SLIT1: variants seen among roughly 807,000 people sequenced by gnomAD.
The protein encoded by SLIT1 is slit homolog 1 protein.
A neutral mutation model predicts 186.1 loss-of-function variants in SLIT1; 66 were observed. The observed-to-expected ratio is 0.35, with a 90% CI of 0.29 to 0.44. The LOEUF (loss-of-function observed/expected upper bound fraction) is 0.44. SLIT1 is among the 20% of genes least tolerant of loss of function. The pLI, the probability that SLIT1 is intolerant of heterozygous loss-of-function variation, is 1.00. For synonymous variants in SLIT1, 761 were observed against 833.8 expected (o/e 0.91, Z 1.50); for missense variants, 1,638 against 2,037.4 (o/e 0.80, Z 3.77).
chr10:97,055,354 A>G (rs1848827283), intron 13 of SLIT1, among the ~76,000 whole-genome samples: 1 of 152,180 alleles, frequency 6.6e-6, no homozygotes, highest in Non-Finnish European at 1.5e-5. Context: ...TTGGGGGTTC[A>G]CCATACATAG....
chr10:97,185,705 A>C lies in SLIT1; in HGVS notation c.-31T>G, dbSNP rs559105884. On this transcript the variant is annotated 5_prime_UTR_variant, in exon 1 of 37. Coordinates refer to ENST00000266058, the MANE Select transcript of SLIT1 (RefSeq NM_003061.3). ...CCTCACAGCGTCCCGCTCGCGAGCCAGACGGCAGCAGCCGCTGACCATCCC... is the reference window on the plus strand; with the variant it reads ...CCTCACAGCGTCCCGCTCGCGAGCCCGACGGCAGCAGCCGCTGACCATCCC... 1.4e-6 allele frequency: 2 copies of C among 1,458,878 alleles called. No homozygotes were observed. Among genetic ancestry groups the C allele is most frequent in the African/African-American group, 3.0e-5 (2 of 67,652 alleles). The allele number at this position is 1,458,878 out of a possible 1,614,324, so 90.4% of individuals were successfully genotyped here. A position where few individuals can be genotyped will look rare whatever the true frequency, so the allele number is the denominator to read the frequency against.
rs141438091 is a variant in SLIT1, at chr10:97,021,333, G to A, written c.2663C>T (p.Pro888Leu). The change falls in exon 26 of 37, where the codon CCG becomes CTG. Residue 888 changes from proline (P) to leucine (L), a missense_variant. Pro to Leu is a moderately conservative substitution (Grantham distance 98). This residue lies in a region of SLIT1 where 1,245 missense variants were observed against 1,535.3 expected (regional missense o/e 0.81). Transcript: ENST00000266058. The surrounding 1 kb of genome is among the most constrained non-coding windows in gnomAD (Gnocchi z 4.5). ...SSWVKTGYKEPGIARCAGPQD... is the reference protein window; with the variant it reads ...SSWVKTGYKELGIARCAGPQD... The stretch of plus-strand genomic sequence containing the variant: ...GGGCCCAGCACAACGAGCAATGCCC[G>A]GTTCCTTGTAGCCAGTCTTCACCCA... 2.1e-5 allele frequency: 34 copies of A among 1,614,026 alleles called. No homozygotes were observed. The highest frequency in any genetic ancestry group is 4.5e-5 in the East Asian group (2 of 44,890).
intron 4 of SLIT1, among the ~76,000 whole-genome samples, chr10:97,077,379 G>T (rs1190771094): frequency 6.6e-6 from 1 of 152,114 alleles, no homozygotes; most frequent in African/African-American, 2.4e-5. Flanking sequence ...AATCCTGGGT[G>T]CTCTCCTGCT....
chr10:97,114,275 G>A (rs1019193907), intron 4 of SLIT1, among the ~76,000 whole-genome samples: 5 of 152,198 alleles, frequency 3.3e-5, no homozygotes, highest in Non-Finnish European at 5.9e-5. Flanking sequence ...GCCTGCCTAA[G>A]GGAGGCCAGC....
intron 4 of SLIT1, among the ~76,000 whole-genome samples, chr10:97,126,731 T>G (rs1849606396): frequency 6.6e-6 from 1 of 152,184 alleles, no homozygotes; most frequent in South Asian, 2.1e-4. Flanking sequence ...CATGAATGAG[T>G]GGCTGGTCTC....
Position 97,006,507 on chromosome 10 carries a change from C to T in SLIT1, c.3555G>A (p.Trp1185Ter), listed in dbSNP as rs1848360895. 1 of 1,613,962 alleles carries T rather than the reference C, an allele frequency of 6.2e-7. No homozygotes were observed. Among genetic ancestry groups the T allele is most frequent in the Non-Finnish European group, 8.5e-7 (1 of 1,179,870 alleles). The change falls in exon 32 of 37, where the codon TGG becomes TGA. Residue 1185 changes from tryptophan to a stop codon, truncating the protein, a stop_gained. Transcript: ENST00000266058. LOFTEE classifies it high-confidence loss of function. This position sits in a 1 kb window ranked among gnomAD's most constrained non-coding sequence, Gnocchi z 4.0. The part of the protein sequence containing the change: ...TYLQFTDLQN[W>*]PRANITLQVS... ...CCTGCAACGTGATGTTGGCCCGTGG[C>T]CAGTTTTGCAGGTCAGTGAACTGCA...
Position 97,034,537 on chromosome 10 carries a change from A to G in SLIT1, c.2372T>C (p.Leu791Pro). 1 of 1,613,310 alleles carries G rather than the reference A, an allele frequency of 6.2e-7. No homozygotes were observed. The highest frequency in any genetic ancestry group is 8.5e-7 in the Non-Finnish European group (1 of 1,179,398). ...TAAGGAACTGATCTTGTTGTTGCTC[A>G]GGTCCCTGGAAAAGGCAAAGGCATC... Reference protein sequence around the residue: ...STFKYLQLVDLSNNKISSLSN... With the variant: ...STFKYLQLVDPSNNKISSLSN... Residue 791 changes from leucine to proline, a missense_variant, in exon 23 of 37, where the codon CTG becomes CCG. Around this residue, in one of 3 missense-constraint regions of SLIT1, gnomAD observed 1,245 missense variants for 1,535.3 expected, o/e 0.81. Coordinates refer to ENST00000266058, the MANE Select transcript of SLIT1 (RefSeq NM_003061.3).
chr10:97,003,313 G>A (rs905072909), intron 34 of SLIT1, among the ~76,000 whole-genome samples: 1 of 152,242 alleles, frequency 6.6e-6, no homozygotes, highest in Non-Finnish European at 1.5e-5. Context: ...TGGGACGCTA[G>A]CTTTTACCTC....
intron 4 of SLIT1, chr10:97,102,439 G>GA (rs1257040794): frequency 4.5e-5 from 6 of 132,466 alleles, no homozygotes; most frequent in Admixed American, 1.6e-4. Context: ...AAAAAAAAAA[G>GA]AAAGAAAGAA....
intron 4 of SLIT1, among the ~76,000 whole-genome samples, chr10:97,095,026 T>A (rs2861829): frequency 6.6e-6 from 1 of 152,030 alleles, no homozygotes; most frequent in South Asian, 2.1e-4. Flanking sequence ...CTCATGCCTA[T>A]AATCCCAGCA....
chr10:97,100,367 T>C (rs1336524051), intron 4 of SLIT1, among the ~76,000 whole-genome samples: 2 of 152,162 alleles, frequency 1.3e-5, no homozygotes, highest in Non-Finnish European at 2.9e-5. Context: ...CTCATGCCTG[T>C]AATCTCAACA....
chr10:97,041,473 A>AT (rs57619741), intron 20 of SLIT1, among the ~76,000 whole-genome samples: 11,255 of 138,344 alleles, frequency 0.081, 1,081 homozygotes, highest in African/African-American at 0.23. Context: ...CAAATCGTTA[A>AT]TTTTTTTTTT....
At chr10:97,170,185 C>G (rs1363497054) in intron 1 of SLIT1, among the ~76,000 whole-genome samples, 1 of 152,204 alleles carries the variant, frequency 6.6e-6, no homozygotes, top group East Asian at 1.9e-4. Flanking sequence ...GGAGCCAGAC[C>G]ATCCGGCTTC....
intron 4 of SLIT1, among the ~76,000 whole-genome samples, chr10:97,121,471 A>G (rs1849559421): frequency 6.6e-6 from 1 of 152,188 alleles, no homozygotes; most frequent in Admixed American, 6.5e-5. Flanking sequence ...TGCCGTTCAT[A>G]CAGTCTCTTA....
At chr10:97,035,035 C>A (rs779199721) in intron 22 of SLIT1, among the ~76,000 whole-genome samples, 1 of 152,160 alleles carries the variant, frequency 6.6e-6, no homozygotes, top group Non-Finnish European at 1.5e-5. Context: ...GGAGGCAGAG[C>A]CAGATTCAAA....
At position 97,163,390 on chromosome 10, in the gene SLIT1, G is replaced by A. The variant is rs981472532; in HGVS notation, c.331C>T (p.Leu111=). ...ERGAFDDMKE[L]ERLRLNRNQL... ...CCTGCCAGGACTCACAGCCGCTCCA[G>A]CTCCTTCATGTCATCAAAAGCACCA... is the stretch of plus-strand genomic sequence containing the variant. Residue 111 remains leucine (L), a synonymous_variant, in exon 3 of 37, where the codon CTG becomes TTG. Transcript: ENST00000266058. The A allele has an allele frequency of 6.2e-7, 1 of 1,613,874 alleles. No homozygotes were observed. The highest frequency in any genetic ancestry group is 1.3e-5 in the African/African-American group (1 of 74,908).
intron 13 of SLIT1, among the ~76,000 whole-genome samples, chr10:97,055,357 A>G (rs1306540244): frequency 6.6e-6 from 1 of 152,204 alleles, no homozygotes; most frequent in Non-Finnish European, 1.5e-5. Context: ...GGGGTTCACC[A>G]TACATAGCAC....
chr10:97,070,773 T>C (rs560393094), intron 4 of SLIT1, among the ~76,000 whole-genome samples: 30 of 152,222 alleles, frequency 2.0e-4, no homozygotes, highest in Admixed American at 1.9e-3. Context: ...CCTCTAGAAC[T>C]GTGAGAAATA....
At chr10:97,115,214 C>T (rs1333119705) in intron 4 of SLIT1, among the ~76,000 whole-genome samples, 2 of 152,230 alleles carry the variant, frequency 1.3e-5, no homozygotes, top group Admixed American at 6.5e-5. Flanking sequence ...AGAGATTGCC[C>T]ACCTGGGCTC....
Sources: gnomAD v4.1 joint callset for allele counts (sites outside exome capture counted in the v4.1 genomes callset) on GRCh38, gnomAD v4.1.1 for gene constraint, gnomAD v4.1.1 regional missense constraint, Gnocchi (gnomAD v3.1) non-coding constraint, MANE v1.5 for transcripts, NCBI Gene and HGNC (gene_info 2026-07-23, HGNC 2026-07-21) for gene names.